The following VPS13A variants were observed in gnomAD, a reference collection of about 807,000 sequenced individuals.
The protein encoded by VPS13A is intermembrane lipid transfer protein VPS13A.
In VPS13A, 264 loss-of-function variants were observed where a neutral mutation model predicts 390.9. The observed-to-expected ratio is 0.68, with a 90% CI of 0.61 to 0.75. VPS13A has a LOEUF of 0.75. Ranked by LOEUF, VPS13A falls within the 30% of genes least tolerant of loss-of-function variation. The pLI, the probability that VPS13A is intolerant of heterozygous loss-of-function variation, is 0.00. For synonymous variants in VPS13A, 1,231 were observed against 1,227.1 expected, an observed-to-expected ratio of 1.00 and a Z score of -0.07; for missense variants, 3,409 against 3,733.9, an observed-to-expected ratio of 0.91 and a Z score of 2.27.
At chr9:77,385,455 T>A (rs1833642730) in intron 68 of VPS13A, among the ~76,000 whole-genome samples, 1 of 151,946 alleles carries the variant, frequency 6.6e-6, no homozygotes, top group South Asian at 2.1e-4. Flanking sequence ...TATTATGAAT[T>A]CAGAATATTT....
Position 77,321,262 on chromosome 9 carries a change from T to G in VPS13A, c.5509T>G (p.Ser1837Ala), listed in dbSNP as rs1215834477. 3.1e-6 allele frequency: 5 copies of G among 1,611,336 alleles called. No individual in the cohort carries two copies. In the Admixed American group the frequency reaches 5.0e-5, roughly 16 times the overall value. ...ATATAAAACTGTCATCAGTTTCCAT[T>G]CAAAAGACCAATTAAACATTACATT... ...PEYKTVISFH[S>A]KDQLNITLSK... The change falls in exon 43 of 72, where the codon TCA becomes GCA. Residue 1837 changes from serine (S) to alanine (A), a missense_variant. By Grantham distance (99) the Ser-to-Ala change is moderately conservative (BLOSUM62 1). Transcript: ENST00000360280.
At chr9:77,254,712 T>G (rs1213401545) in intron 22 of VPS13A, among the ~76,000 whole-genome samples, 4 of 152,220 alleles carry the variant, frequency 2.6e-5, no homozygotes, top group Non-Finnish European at 5.9e-5. Context: ...CAACATTTTC[T>G]AGGTCTCAGT....
At chr9:77,222,119 G>C (rs1823254439) in intron 13 of VPS13A, among the ~76,000 whole-genome samples, 1 of 152,104 alleles carries the variant, frequency 6.6e-6, no homozygotes, top group Non-Finnish European at 1.5e-5. Flanking sequence ...TCTGAATCCA[G>C]AATGAATTTC....
intron 17 of VPS13A, among the ~76,000 whole-genome samples, chr9:77,233,944 T>C (rs992625665): frequency 2.6e-5 from 4 of 152,204 alleles, no homozygotes; most frequent in African/African-American, 9.6e-5. Flanking sequence ...TACTTTATTG[T>C]TCCTCTGCCT....
In VPS13A at chr9:77,274,989, T is replaced by C. The variant is rs76989106; in HGVS notation, c.2513-509T>C. Among the ~76,000 whole-genome samples the C allele has an allele frequency of 6.0e-4, 91 of 152,318 alleles. 1 individual carries two copies. The East Asian group carries it at 0.016, about 27-fold the overall frequency. On this transcript the variant is annotated intron_variant, in intron 24 of 71. Transcript: ENST00000360280. Reference sequence around the variant, plus strand: ...GATGTGTATTACATATCAACGTATATGTACATATACCTATATTTGTGTATA... The same window carrying C: ...GATGTGTATTACATATCAACGTATACGTACATATACCTATATTTGTGTATA...
At chr9:77,392,482 T>G (rs1020628708) in intron 68 of VPS13A, among the ~76,000 whole-genome samples, 1 of 152,078 alleles carries the variant, frequency 6.6e-6, no homozygotes, top group Non-Finnish European at 1.5e-5. Flanking sequence ...AGTTTCCAGG[T>G]TGTAAAAGAG....
chr9:77,334,061 A>G (rs1452750699), intron 46 of VPS13A, among the ~76,000 whole-genome samples: 1 of 152,218 alleles, frequency 6.6e-6, no homozygotes, highest in Non-Finnish European at 1.5e-5. Context: ...CCTGGGCAAG[A>G]TACATGAAGT....
rs117726295 is a variant in VPS13A at position 77,222,905 on chromosome 9, A to G, written c.1161+1549A>G. Among the ~76,000 whole-genome samples the G allele has an allele frequency of 2.1e-4, 32 of 152,312 alleles. No individual in the cohort carries two copies. In the East Asian group the frequency reaches 3.9e-3, roughly 18 times the overall value. Reference sequence around the variant, plus strand: ...CAGACTCTAGTCTACTCTTGTGCCAATCACCAAGTTTTGGCCAATCACATG... The same window carrying G: ...CAGACTCTAGTCTACTCTTGTGCCAGTCACCAAGTTTTGGCCAATCACATG... On this transcript the variant is annotated intron_variant, in intron 13 of 71. Coordinates refer to ENST00000360280, the MANE Select transcript of VPS13A (RefSeq NM_033305.3).
intron 46 of VPS13A, among the ~76,000 whole-genome samples, chr9:77,335,794 G>T (rs1587608618): frequency 6.6e-6 from 1 of 152,194 alleles, no homozygotes; most frequent in Non-Finnish European, 1.5e-5. Flanking sequence ...AGACAATGTG[G>T]TGATTCCTCA....
At chr9:77,332,854 A>G (rs1007127474) in intron 46 of VPS13A, among the ~76,000 whole-genome samples, 1 of 152,210 alleles carries the variant, frequency 6.6e-6, no homozygotes, top group African/African-American at 2.4e-5. Flanking sequence ...CTACAGAAGG[A>G]CAGAGGCAAA....
chr9:77,372,058 A>G (rs1358629422), intron 67 of VPS13A, among the ~76,000 whole-genome samples: 8 of 150,152 alleles, frequency 5.3e-5, no homozygotes, highest in Admixed American at 5.3e-4. Context: ...TCATTGTTGG[A>G]CATTTGGGTT....
rs1835225493 is a variant in VPS13A, at chr9:77,418,096, A to C, written c.*2090A>C. On this transcript the variant is annotated 3_prime_UTR_variant, in exon 72 of 72. Transcript: ENST00000360280. ...TTTAGCATCACATTTTACAATTTAC[A>C]GTTTTTGTTTGATTCTGTAGCCCAT... 1 of 152,212 alleles carries C rather than the reference A, an allele frequency of 6.6e-6. No individual in the cohort carries two copies. 9.4% of individuals were successfully genotyped at this position (152,212 alleles called of 1,614,324 possible).
intron 10 of VPS13A, among the ~76,000 whole-genome samples, chr9:77,216,436 G>C (rs929790214): frequency 2.0e-5 from 3 of 152,188 alleles, no homozygotes; most frequent in African/African-American, 7.2e-5. Context: ...CGATGCAGGA[G>C]AAACGGGGGA....
intron 68 of VPS13A, chr9:77,385,325 A>G (rs574565419): frequency 2.6e-6 from 1 of 380,868 alleles, no homozygotes; most frequent in African/African-American, 2.2e-5. Context: ...CCGTTCTTTT[A>G]TGTCTTTGCT....
At chr9:77,301,115 A>G (rs903319188) in intron 33 of VPS13A, among the ~76,000 whole-genome samples, 1 of 152,214 alleles carries the variant, frequency 6.6e-6, no homozygotes, top group African/African-American at 2.4e-5. Flanking sequence ...CAGAGAAAGT[A>G]ATCTTTTGAC....
intron 20 of VPS13A, among the ~76,000 whole-genome samples, chr9:77,249,447 CAG>C (rs1392244406): frequency 1.3e-5 from 2 of 152,080 alleles, no homozygotes; most frequent in East Asian, 1.9e-4. Context: ...ACTTTTCAAA[CAG>C]AGATAATCTT....
intron 1 of VPS13A, among the ~76,000 whole-genome samples, chr9:77,185,641 T>C (rs541798941): frequency 7.2e-4 from 110 of 152,206 alleles, no homozygotes; most frequent in Non-Finnish European, 1.4e-3. Context: ...GTTTTCTGTT[T>C]TGTTATACTT....
At chr9:77,356,088 C>T (rs1199732025) in intron 54 of VPS13A, among the ~76,000 whole-genome samples, 1 of 152,186 alleles carries the variant, frequency 6.6e-6, no homozygotes, top group Non-Finnish European at 1.5e-5. Flanking sequence ...GTCTACAATG[C>T]TTTACATTAT....
At chr9:77,400,174 T>C (rs2131642390) in intron 68 of VPS13A, among the ~76,000 whole-genome samples, 1 of 151,892 alleles carries the variant, frequency 6.6e-6, no homozygotes, top group South Asian at 2.1e-4. Flanking sequence ...TGATTTGCAT[T>C]TTCCTAATTT....
Sources: gnomAD v4.1 joint callset for allele counts (sites outside exome capture counted in the v4.1 genomes callset) on GRCh38, gnomAD v4.1.1 for gene constraint, MANE v1.5 for transcripts, NCBI Gene and HGNC (gene_info 2026-07-23, HGNC 2026-07-21) for gene names.